DDX1: variants seen among roughly 807,000 people sequenced by gnomAD.
DDX1 encodes ATP-dependent RNA helicase DDX1.
A neutral mutation model predicts 108.7 loss-of-function variants in DDX1; 28 were observed. The ratio of observed to expected loss-of-function variants is 0.26; its 90% CI spans 0.19 to 0.35. The LOEUF is 0.35. Ranked by LOEUF, DDX1 falls within the 10% of genes least tolerant of loss-of-function variation. The pLI, the probability that DDX1 is intolerant of heterozygous loss-of-function variation, is 1.00. For missense variants in DDX1, 710 were observed against 884.5 expected, an observed-to-expected ratio of 0.80 and a Z score of 2.50; for synonymous variants, 295 against 288.9, an observed-to-expected ratio of 1.02 and a Z score of -0.21.
At chr2:15,603,995 GA>G in intron 9 of DDX1, 105 bp downstream of exon 9, 1 of 719,612 alleles carries the variant, frequency 1.4e-6, no homozygotes, top group Middle Eastern at 2.6e-4. Context: ...AAAATGAGCA[GA>G]TTTTCTGTAT....
chr2:15,630,670 T>TGGGC, intron 25 of DDX1, 106 bp from the exon 26 acceptor site: 1 of 1,224,156 alleles, frequency 8.2e-7, no homozygotes. Flanking sequence ...TAGTACATTT[T>TGGGC]ATTGCTGCAA....
rs1209482505 is a variant in DDX1, at chr2:15,620,203, C to T, written c.1207-5C>T. 6 of 1,612,148 alleles carry T rather than the reference C, an allele frequency of 3.7e-6. No homozygotes were observed. Among genetic ancestry groups the T allele is most frequent in the Non-Finnish European group, 5.1e-6 (6 of 1,179,332 alleles). ...TCATCTCAATTTGGGGTTTCCTCTT[C>T]TTAGGTGATTGTTTGCTCTGCCACT... On this transcript the variant is annotated splice_region_variant and splice_polypyrimidine_tract_variant and intron_variant, in intron 16 of 25. Transcript: ENST00000233084.
chr2:15,627,016 A>C (rs1286526265), intron 19 of DDX1, 38 bp from the exon 20 acceptor site: 1 of 1,397,712 alleles, frequency 7.2e-7, no homozygotes, highest in East Asian at 2.3e-5. Context: ...TAGGCAGAAG[A>C]TTTTCCAAGG....
intron 1 of DDX1, among the ~76,000 whole-genome samples, chr2:15,593,102 G>C (rs1011786493): frequency 6.6e-6 from 1 of 152,024 alleles, no homozygotes; most frequent in African/African-American, 2.4e-5. Flanking sequence ...TGTATTATTA[G>C]TAGAGACGGG....
intron 19 of DDX1, among the ~76,000 whole-genome samples, chr2:15,626,354 G>C (rs1248270799): frequency 6.6e-6 from 1 of 152,106 alleles, no homozygotes; most frequent in Non-Finnish European, 1.5e-5. Flanking sequence ...ATTTTGAATA[G>C]ATATCTGTCA....
intron 10 of DDX1, among the ~76,000 whole-genome samples, chr2:15,605,182 A>G (rs1009526854): frequency 2.6e-5 from 4 of 152,150 alleles, no homozygotes; most frequent in Non-Finnish European, 4.4e-5. Flanking sequence ...TAACAGTACC[A>G]TTCTGGCTGC....
chr2:15,603,468 C>T (rs558109118), intron 8 of DDX1, among the ~76,000 whole-genome samples, 193 bp downstream of exon 8: 5 of 152,256 alleles, frequency 3.3e-5, no homozygotes, highest in African/African-American at 1.2e-4. Context: ...GATATTATAG[C>T]AGTATGAAAT....
intron 16 of DDX1, among the ~76,000 whole-genome samples, 196 bp downstream of exon 16, chr2:15,618,466 C>G (rs1234154456): frequency 6.6e-6 from 1 of 152,210 alleles, no homozygotes; most frequent in Non-Finnish European, 1.5e-5. Flanking sequence ...GACCCCATGC[C>G]TCCCAAGGGT....
chr2:15,630,083 A>G lies in DDX1; in HGVS notation c.2065A>G (p.Thr689Ala). 1 of 1,613,710 alleles carries G rather than the reference A, an allele frequency of 6.2e-7. No individual in the cohort carries two copies. Residue 689 changes from threonine to alanine, a missense_variant, in exon 25 of 26, where the codon ACC (threonine) becomes GCC (alanine). Thr to Ala is a moderately conservative substitution (Grantham distance 58). Transcript: ENST00000233084. The stretch of plus-strand genomic sequence containing the variant: ...AGTGGATGAATTTGATGGGAAAGTT[A>G]CCTACGGTCAGAAAAGGGCTGCTGG... Reference protein sequence around the residue: ...VPVDEFDGKVTYGQKRAAGGG... With the variant: ...VPVDEFDGKVAYGQKRAAGGG...
intron 19 of DDX1, among the ~76,000 whole-genome samples, chr2:15,623,788 A>G (rs1666049462): frequency 6.6e-6 from 1 of 152,166 alleles, no homozygotes; most frequent in Non-Finnish European, 1.5e-5. Context: ...CATTTTCATT[A>G]CAGTAAACTT....
At chr2:15,616,168 C>G (rs1415965549) in intron 14 of DDX1, among the ~76,000 whole-genome samples, 1 of 152,142 alleles carries the variant, frequency 6.6e-6, no homozygotes, top group Non-Finnish European at 1.5e-5. Flanking sequence ...CTGCCTCGGC[C>G]TCCCAAAGTG....
At chr2:15,597,346 A>G in intron 4 of DDX1, 29 bp from the exon 5 acceptor site, 1 of 1,377,448 alleles carries the variant, frequency 7.3e-7, no homozygotes, top group East Asian at 2.3e-5. Context: ...TGTGAATACT[A>G]ATATAGATAC....
In DDX1 at chr2:15,630,019, C is replaced by CTG; in HGVS notation, c.2003_2004dup (p.Thr669ValfsTer10). The CTG allele has an allele frequency of 6.2e-7, 1 of 1,612,370 alleles. No homozygotes were observed. The highest frequency in any genetic ancestry group is 8.5e-7 in the Non-Finnish European group (1 of 1,178,680). ...TATCTGAGATAGAAGAACACCTGAA[C>CTG]TGTACCATTTCTCAGGTTGAGCCGG... On this transcript the variant is annotated frameshift_variant, in exon 25 of 26. Coordinates refer to ENST00000233084, the MANE Select transcript of DDX1 (RefSeq NM_004939.3). LOFTEE classifies it high-confidence loss of function.
At chr2:15,600,676 C>T (rs1232236586) in intron 6 of DDX1, among the ~76,000 whole-genome samples, 1 of 149,422 alleles carries the variant, frequency 6.7e-6, no homozygotes, top group East Asian at 2.0e-4. Context: ...TCTTTTACTT[C>T]ATTTTAGCTA....
intron 1 of DDX1, among the ~76,000 whole-genome samples, chr2:15,593,066 G>A (rs1245074138): frequency 6.6e-6 from 1 of 151,892 alleles, no homozygotes; most frequent in Non-Finnish European, 1.5e-5. Flanking sequence ...GATTACAGGC[G>A]CCTACCACCA....
chr2:15,625,790 A>T (rs1428480265), intron 19 of DDX1, among the ~76,000 whole-genome samples: 1 of 152,156 alleles, frequency 6.6e-6, no homozygotes, highest in Non-Finnish European at 1.5e-5. Context: ...TAACTGATGT[A>T]CGTCAAGGAA....
At chr2:15,593,133 G>T (rs950567004) in intron 1 of DDX1, among the ~76,000 whole-genome samples, 4 of 152,096 alleles carry the variant, frequency 2.6e-5, no homozygotes, top group African/African-American at 9.7e-5. Context: ...TGTTGGCCAG[G>T]CTGGTCTCGA....
chr2:15,631,018 G>C lies in DDX1; in HGVS notation c.*112G>C. 1.1e-6 allele frequency: 1 copy of C among 933,596 alleles called. No individual in the cohort carries two copies. The highest frequency in any genetic ancestry group is 1.5e-6 in the Non-Finnish European group (1 of 654,986). The allele number at this position is 933,596 out of a possible 1,614,324, so 57.8% of individuals were successfully genotyped here. On this transcript the variant is annotated 3_prime_UTR_variant, in exon 26 of 26. Coordinates refer to ENST00000233084, the MANE Select transcript of DDX1 (RefSeq NM_004939.3). ...ATTTATAGTAACGTAAGCTATTAAT[G>C]CTAACTCTTGCATGTCAAGAAACAT...
At chr2:15,602,685 G>C in intron 7 of DDX1, 54 bp downstream of exon 7, 1 of 1,310,484 alleles carries the variant, frequency 7.6e-7, no homozygotes, top group Non-Finnish European at 1.1e-6. Flanking sequence ...GTATTAATAC[G>C]TGAGGGTTTT....
Sources: gnomAD v4.1 joint callset for allele counts (sites outside exome capture counted in the v4.1 genomes callset) on GRCh38, gnomAD v4.1.1 for gene constraint, MANE v1.5 for transcripts, NCBI Gene and HGNC (gene_info 2026-07-23, HGNC 2026-07-21) for gene names.